The following INSR variants were observed in gnomAD, a reference collection of about 807,000 sequenced individuals.
INSR encodes the protein IR.
Under a neutral mutation model 142.6 loss-of-function variants are expected in INSR, and 67 were observed. That is an observed-to-expected ratio of 0.47 (90% CI 0.39 to 0.58). The LOEUF (loss-of-function observed/expected upper bound fraction) is 0.58, where lower values mean the gene tolerates loss of function less well. Ranked by LOEUF, INSR falls within the 20% of genes least tolerant of loss-of-function variation. The pLI, the probability that INSR is intolerant of heterozygous loss-of-function variation, is 0.00. For missense variants in INSR, 1,248 were observed against 1,833.2 expected (o/e 0.68, Z 5.83); for synonymous variants, 756 against 743.1 (o/e 1.02, Z -0.28).
At chr19:7,270,966 GC>G (rs1268087636) in intron 1 of INSR, among the ~76,000 whole-genome samples, 1 of 150,680 alleles carries the variant, frequency 6.6e-6, no homozygotes, top group East Asian at 2.0e-4. Context: ...GGAGGCCGAG[GC>G]AGGAGAATGG....
Position 7,117,140 on chromosome 19 carries a change from G to A in INSR, c.4065C>T (p.Tyr1355=), listed in dbSNP as rs140573377. The change falls in exon 22 of 22, where the codon TAC becomes TAT. Residue 1355 remains tyrosine (Y), a synonymous_variant. Transcript: ENST00000302850. ...GGSSLGFKRS[Y]EEHIPYTHMN... Reference sequence around the variant, plus strand: ...TGTGTGTGTAAGGGATGTGTTCCTCGTAGCTCCGCTTGAAACCCAGCGAGG... The same window carrying A: ...TGTGTGTGTAAGGGATGTGTTCCTCATAGCTCCGCTTGAAACCCAGCGAGG... The A allele has an allele frequency of 1.3e-4, 217 of 1,613,930 alleles. No homozygotes were observed. Among genetic ancestry groups the A allele is most frequent in the Non-Finnish European group, 1.8e-4 (212 of 1,180,002 alleles).
chr19:7,151,442 A>ATTT (rs35890851), intron 10 of INSR, among the ~76,000 whole-genome samples: 1 of 142,148 alleles, frequency 7.0e-6, no homozygotes, highest in Admixed American at 7.2e-5. Flanking sequence ...ATGTCTGGCT[A>ATTT]TTTTTTTTTT....
At chr19:7,117,705 C>T (rs189394732) in intron 21 of INSR, among the ~76,000 whole-genome samples, 105 of 152,196 alleles carry the variant, frequency 6.9e-4, no homozygotes, top group African/African-American at 1.8e-3. Context: ...CTCCTAGGCT[C>T]GAGCAATCCT....
At chr19:7,154,784 C>T (rs761336356) in intron 9 of INSR, among the ~76,000 whole-genome samples, 4 of 151,828 alleles carry the variant, frequency 2.6e-5, no homozygotes, top group South Asian at 2.1e-4. Context: ...GTTAGCCGGG[C>T]GTGGTGGTGG....
In INSR at chr19:7,143,087, T is replaced by C. The variant is rs1385935749; in HGVS notation, c.2271A>G (p.Pro757=). Reference sequence around the variant, plus strand: ...CGCCAAGGGACCTGCGTTTCCGAGATGGCCTGGAACGACAGTAGGACATGT... The same window carrying C: ...CGCCAAGGGACCTGCGTTTCCGAGACGGCCTGGAACGACAGTAGGACATGT... ...SSGTGAEDPR[P]SRKRRSLGDV... is the part of the protein sequence containing the mutation. The change falls in exon 12 of 22, where the codon CCA becomes CCG. Residue 757 remains proline (P), a synonymous_variant. Coordinates refer to ENST00000302850, the MANE Select transcript of INSR (RefSeq NM_000208.4). 2 of 1,614,154 alleles carry C rather than the reference T, an allele frequency of 1.2e-6. No homozygotes were observed. Among genetic ancestry groups the C allele is most frequent in the South Asian group, 1.1e-5 (1 of 91,084 alleles).
At chr19:7,281,174 CAAG>C (rs765605393) in intron 1 of INSR, among the ~76,000 whole-genome samples, 51 of 152,264 alleles carry the variant, frequency 3.3e-4, no homozygotes, top group Non-Finnish European at 5.4e-4. Flanking sequence ...GGAGGAAAAA[CAAG>C]AGAAGTCCTG....
rs142654992 is a variant in INSR at position 7,143,063 on chromosome 19, G to T, written c.2295C>A (p.Gly765=). ...PRPSRKRRSL[G]DVGNVTVAVP... ...CGGCCACCGTCACATTCCCAACATC[G>T]CCAAGGGACCTGCGTTTCCGAGATG... The change falls in exon 12 of 22, where the codon GGC becomes GGA. Residue 765 remains glycine (G), a synonymous_variant. Transcript: ENST00000302850. 21 of 1,614,158 alleles carry T rather than the reference G, an allele frequency of 1.3e-5. No homozygotes were observed. Among genetic ancestry groups the T allele is most frequent in the Non-Finnish European group, 1.6e-5 (19 of 1,180,032 alleles).
chr19:7,214,041 C>A (rs1440787182), intron 2 of INSR, among the ~76,000 whole-genome samples: 3 of 151,860 alleles, frequency 2.0e-5, no homozygotes, highest in African/African-American at 7.3e-5. Flanking sequence ...AAAACCCAGA[C>A]AGGTTGGCTG....
At chr19:7,178,004 C>T (rs59717892) in intron 3 of INSR, among the ~76,000 whole-genome samples, 1 of 152,150 alleles carries the variant, frequency 6.6e-6, no homozygotes, top group African/African-American at 2.4e-5. Context: ...GCACACAGAA[C>T]GCAATTTTAT....
At chr19:7,252,939 C>A (rs1427812381) in intron 2 of INSR, among the ~76,000 whole-genome samples, 2 of 152,066 alleles carry the variant, frequency 1.3e-5, no homozygotes, top group African/African-American at 2.4e-5. Context: ...CATGGTGAAA[C>A]CCTGTCTCTA....
chr19:7,270,339 TCACACA>T (rs1178953100), intron 1 of INSR, among the ~76,000 whole-genome samples: 6,056 of 120,066 alleles, frequency 0.05, 183 homozygotes, highest in Middle Eastern at 0.075. Context: ...TCTCTCTCTC[TCACACA>T]CACACACACA....
intron 3 of INSR, among the ~76,000 whole-genome samples, chr19:7,180,805 C>T (rs1433130719): frequency 5.3e-5 from 8 of 152,094 alleles, no homozygotes; most frequent in African/African-American, 1.2e-4. Flanking sequence ...ACGACCACCA[C>T]GGCCAGGGGG....
At chr19:7,194,246 C>T in intron 2 of INSR, among the ~76,000 whole-genome samples, 1 of 151,936 alleles carries the variant, frequency 6.6e-6, no homozygotes, top group East Asian at 2.0e-4. Context: ...TGGTGAAACA[C>T]TCTCTATTCA....
At chr19:7,270,970 G>A (rs1967909652) in intron 1 of INSR, among the ~76,000 whole-genome samples, 2 of 151,870 alleles carry the variant, frequency 1.3e-5, no homozygotes, top group South Asian at 4.2e-4. Context: ...GCCGAGGCAG[G>A]AGAATGGCAT....
intron 17 of INSR, among the ~76,000 whole-genome samples, chr19:7,124,246 G>T (rs1403849631): frequency 1.3e-5 from 2 of 151,652 alleles, no homozygotes; most frequent in African/African-American, 4.8e-5. Context: ...GCAGGCACCT[G>T]CAGTCCCAGC....
At chr19:7,199,091 G>A (rs151032237) in intron 2 of INSR, among the ~76,000 whole-genome samples, 1 of 152,136 alleles carries the variant, frequency 6.6e-6, no homozygotes, top group African/African-American at 2.4e-5. Context: ...TCGTTGCCCA[G>A]GCTGGTTTAG....
At chr19:7,158,328 G>A (rs112530015) in intron 9 of INSR, among the ~76,000 whole-genome samples, 4,733 of 151,798 alleles carry the variant, frequency 0.031, 159 homozygotes, top group African/African-American at 0.08. Flanking sequence ...GTGAAACCCC[G>A]TCTCTACTAA....
intron 3 of INSR, 91 bp from the exon 4 acceptor site, chr19:7,174,822 C>T (rs1276463191): frequency 3.1e-6 from 4 of 1,290,890 alleles, no homozygotes; most frequent in Non-Finnish European, 4.3e-6. Context: ...CATCTTTCTG[C>T]CTGATATGGT....
intron 3 of INSR, among the ~76,000 whole-genome samples, chr19:7,178,544 C>A (rs1423123376): frequency 6.6e-6 from 1 of 152,162 alleles, no homozygotes; most frequent in East Asian, 1.9e-4. Flanking sequence ...CATGGTGAAA[C>A]CCTGTCTCTA....
Sources: allele counts gnomAD v4.1 joint callset (sites outside exome capture counted in the v4.1 genomes callset), GRCh38; gene constraint gnomAD v4.1.1; transcripts MANE v1.5; gene names NCBI Gene and HGNC (gene_info 2026-07-23, HGNC 2026-07-21).